Variants in ZNF749 observed in about 807,000 individuals in gnomAD.
ZNF749 encodes zinc finger protein 749.
Under a neutral mutation model 7.3 loss-of-function variants are expected in ZNF749, and 8 were observed. That is an observed-to-expected ratio of 1.10 (90% CI 0.64 to 1.98). ZNF749 has a LOEUF of 1.98. Among genes scored for constraint, ZNF749 ranks in the 30% most tolerant of loss-of-function variants. ZNF749 has a pLI of 0.00. For synonymous variants in ZNF749, 310 were observed against 322.4 expected, an observed-to-expected ratio of 0.96 and a Z score of 0.41; for missense variants, 898 against 932.4, an observed-to-expected ratio of 0.96 and a Z score of 0.48.
upstream of ZNF749, among the ~76,000 whole-genome samples, chr19:57,434,878 C>A (rs186242025): frequency 3.3e-5 from 5 of 152,354 alleles, no homozygotes; most frequent in Admixed American, 6.5e-5. Context: ...AAAGAGCTGA[C>A]CGCTATGAAT....
chr19:57,435,166 C>T (rs536368379), upstream of ZNF749, among the ~76,000 whole-genome samples: 20 of 152,320 alleles, frequency 1.3e-4, no homozygotes, highest in African/African-American at 3.8e-4. Context: ...GCGAGGCAGG[C>T]AGCAGCGTGG....
chr19:57,434,217 C>T (rs2088914195), upstream of ZNF749, among the ~76,000 whole-genome samples: 1 of 152,204 alleles, frequency 6.6e-6, no homozygotes, highest in Non-Finnish European at 1.5e-5. Flanking sequence ...CCTGCCTCAG[C>T]CTCCCGAGTA....
In ZNF749 at chr19:57,435,378, C is replaced by T. The variant is rs1282487454; in HGVS notation, c.-201C>T. The T allele has an allele frequency of 4.1e-6, 3 of 734,514 alleles. No individual in the cohort carries two copies. Among genetic ancestry groups the T allele is most frequent in the Non-Finnish European group, 6.7e-6 (3 of 448,220 alleles). 45.5% of individuals were successfully genotyped at this position (734,514 alleles called of 1,614,324 possible). ...TAGCATGGCTACCTAGGGATCTGTT[C>T]ACTGATTTAGAGGGTCCCAGAGCTC... On this transcript the variant is annotated 5_prime_UTR_variant, in exon 1 of 3. Coordinates refer to ENST00000334181, the MANE Select transcript of ZNF749 (RefSeq NM_001023561.4).
chr19:57,430,482 A>G (rs376318462), upstream of ZNF749, among the ~76,000 whole-genome samples: 172 of 152,332 alleles, frequency 1.1e-3, 1 homozygote, highest in South Asian at 0.014. Flanking sequence ...AACATGGTGT[A>G]AGTCACATAA....
rs2089029860 is a variant in ZNF749, at chr19:57,444,240, G to C, written c.1092G>C (p.Met364Ile). The C allele has an allele frequency of 1.9e-6, 3 of 1,613,908 alleles. No individual in the cohort carries two copies. The highest frequency in any genetic ancestry group is 2.5e-6 in the Non-Finnish European group (3 of 1,180,008). ...YECSECGKLF[M>I]DSFTLGRHQR... is the part of the protein sequence containing the mutation. ...GCAGTGAATGTGGGAAATTGTTTAT[G>C]GACAGCTTCACACTCGGTAGACATC... The change falls in exon 3 of 3, where the codon ATG becomes ATC. Residue 364 changes from methionine (M) to isoleucine (I), a missense_variant. Met to Ile is a conservative substitution (Grantham distance 10). Transcript: ENST00000334181.
Position 57,443,525 on chromosome 19 carries a change from T to A in ZNF749, c.377T>A (p.Ile126Asn). ...CATGACCTGCACCAAAAGGAGCAGA[T>A]TAGAGAGAAGCTCACCAGAAGTGAT... ...AEHDLHQKEQ[I>N]REKLTRSDEW... is the part of the protein sequence containing the mutation. The change falls in exon 3 of 3, where the codon ATT becomes AAT. Residue 126 changes from isoleucine to asparagine, a missense_variant. Physicochemically the swap from Ile to Asn is moderately radical, Grantham distance 149. Coordinates refer to ENST00000334181, the MANE Select transcript of ZNF749 (RefSeq NM_001023561.4). 1 of 1,614,128 alleles carries A rather than the reference T, an allele frequency of 6.2e-7. No individual in the cohort carries two copies.
At chr19:57,431,168 T>G (rs993698283), upstream of ZNF749, among the ~76,000 whole-genome samples, 1 of 152,194 alleles carries the variant, frequency 6.6e-6, no homozygotes, top group African/African-American at 2.4e-5. Flanking sequence ...TTCAATGGCT[T>G]TATTCAAGGA....
In ZNF749 at chr19:57,439,147, G is replaced by T. The variant is rs1398397968; in HGVS notation, c.16-2738G>T. On this transcript the variant is annotated intron_variant, in intron 1 of 2. Transcript: ENST00000334181. The surrounding 1 kb of genome is among the most constrained non-coding windows in gnomAD (Gnocchi z 4.3). ...CTCTGCCTGCAGAATGGAAGACCAC[G>T]TGCAGGTGAGGGTGGAGCCACCGAT... is the stretch of plus-strand genomic sequence containing the variant. Among the ~76,000 whole-genome samples, 10 of 152,150 alleles carry T rather than the reference G, an allele frequency of 6.6e-5. No homozygotes were observed. Among genetic ancestry groups the T allele is most frequent in the Non-Finnish European group, 1.3e-4 (9 of 68,034 alleles).
At chr19:57,435,224 G>A (rs981970127), upstream of ZNF749, 15 of 425,316 alleles carry the variant, frequency 3.5e-5, no homozygotes, top group Non-Finnish European at 6.4e-5. Flanking sequence ...GCAGCAACGT[G>A]AGAACTACAT....
At chr19:57,441,376 C>A (rs1232582134) in intron 1 of ZNF749, among the ~76,000 whole-genome samples, 1 of 151,922 alleles carries the variant, frequency 6.6e-6, no homozygotes, top group African/African-American at 2.4e-5. Context: ...AGTGATTGAC[C>A]CGCTGGATTT....
intron 1 of ZNF749, among the ~76,000 whole-genome samples, chr19:57,441,204 T>C (rs138330342): frequency 8.6e-5 from 13 of 151,436 alleles, no homozygotes; most frequent in Non-Finnish European, 1.9e-4. Flanking sequence ...ATCTTTGTGC[T>C]GTGCTGGACT....
At chr19:57,440,302 C>T (rs1177528471) in intron 1 of ZNF749, among the ~76,000 whole-genome samples, 2 of 151,910 alleles carry the variant, frequency 1.3e-5, no homozygotes, top group Admixed American at 1.3e-4. Flanking sequence ...GTCAGTGTAT[C>T]TGGGCTTTGG....
upstream of ZNF749, among the ~76,000 whole-genome samples, chr19:57,434,708 A>T (rs936481734): frequency 6.6e-6 from 1 of 152,126 alleles, no homozygotes. Flanking sequence ...CTCTTCAACT[A>T]TTTCACAAAG....
chr19:57,432,108 C>T (rs1316319874), upstream of ZNF749, among the ~76,000 whole-genome samples: 1 of 151,888 alleles, frequency 6.6e-6, no homozygotes, highest in Non-Finnish European at 1.5e-5. Flanking sequence ...GCTGGGATTA[C>T]AGGCATGAGC....
At chr19:57,443,233 G>C (rs1381939597) in intron 2 of ZNF749, 58 bp from the exon 3 acceptor site, 12 of 1,440,590 alleles carry the variant, frequency 8.3e-6, no homozygotes, top group Non-Finnish European at 1.1e-5. Flanking sequence ...ATTTGTGATG[G>C]GGCTGTCTCC....
Position 57,435,500 on chromosome 19 carries a change from G to T in ZNF749, c.-79G>T. On this transcript the variant is annotated 5_prime_UTR_variant, in exon 1 of 3. Coordinates refer to ENST00000334181, the MANE Select transcript of ZNF749 (RefSeq NM_001023561.4). ...CGGATCGGCTGAGTCGGCTGCAGGC[G>T]CCCCTGCCTCCGTCAGCGTCCAGGT... 1.3e-6 allele frequency: 2 copies of T among 1,549,026 alleles called. No individual in the cohort carries two copies. Among genetic ancestry groups the T allele is most frequent in the Non-Finnish European group, 1.7e-6 (2 of 1,149,010 alleles).
rs1029523915 is a variant in ZNF749, at chr19:57,446,156, G to A, written c.*671G>A. On this transcript the variant is annotated 3_prime_UTR_variant, in exon 3 of 3. Coordinates refer to ENST00000334181, the MANE Select transcript of ZNF749 (RefSeq NM_001023561.4). ...ACCAGTCTGTGGCCTGTTAGGAACC[G>A]GGCCAGCATCACTACCTGAGCTTCA... Among the ~76,000 whole-genome samples, 23 of 151,910 alleles carry A rather than the reference G, an allele frequency of 1.5e-4. No individual in the cohort carries two copies. The highest frequency in any genetic ancestry group is 7.3e-5 in the Non-Finnish European group (5 of 68,028).
upstream of ZNF749, among the ~76,000 whole-genome samples, chr19:57,430,814 G>A (rs1435348532): frequency 2.0e-5 from 3 of 152,060 alleles, no homozygotes; most frequent in South Asian, 4.1e-4. Context: ...GGCCAAGGTG[G>A]GCAGATCACG....
upstream of ZNF749, among the ~76,000 whole-genome samples, chr19:57,431,471 G>A (rs528487740): frequency 2.6e-5 from 4 of 152,080 alleles, no homozygotes; most frequent in Admixed American, 6.5e-5. Flanking sequence ...GAAAGGAGAC[G>A]ATTTCAATTT....
Sources: allele counts gnomAD v4.1 joint callset (sites outside exome capture counted in the v4.1 genomes callset), GRCh38; gene constraint gnomAD v4.1.1; non-coding constraint Gnocchi (gnomAD v3.1); transcripts MANE v1.5; gene names NCBI Gene and HGNC (gene_info 2026-07-23, HGNC 2026-07-21).